Variants in CCM2 observed in about 807,000 individuals in gnomAD.
The protein encoded by CCM2 is cerebral cavernous malformations 2 protein.
A neutral mutation model predicts 44.9 loss-of-function variants in CCM2; 25 were observed. The ratio of observed to expected loss-of-function variants is 0.56; its 90% CI spans 0.41 to 0.78. CCM2 has a LOEUF of 0.78. Among genes scored for constraint, CCM2 ranks in the 30% least tolerant of loss-of-function variants. CCM2 has a pLI of 0.00. For missense variants in CCM2, 481 were observed against 580.6 expected, an observed-to-expected ratio of 0.83 and a Z score of 1.76; for synonymous variants, 219 against 241.1, an observed-to-expected ratio of 0.91 and a Z score of 0.85.
rs41280666 is a variant in CCM2, at chr7:45,064,502, G to A, written c.328G>A (p.Asp110Asn). The change falls in exon 4 of 10, where the codon GAT becomes AAT. Residue 110 changes from aspartate (D) to asparagine (N), a missense_variant. Coordinates refer to ENST00000258781, the MANE Select transcript of CCM2 (RefSeq NM_031443.4). ...QLPGHLTQEH[D>N]AVLSLSAYNV... ...TCCGGGACACTTGACTCAGGAGCACGATGCTGTGCTCAGCCTGTCTGCGTA... is the reference window on the plus strand; with the variant it reads ...TCCGGGACACTTGACTCAGGAGCACAATGCTGTGCTCAGCCTGTCTGCGTA... The A allele has an allele frequency of 4.2e-4, 684 of 1,613,760 alleles. No homozygotes were observed. Among genetic ancestry groups the A allele is most frequent in the Non-Finnish European group, 5.4e-4 (640 of 1,179,922 alleles).
chr7:45,046,447 A>G (rs536412810), intron 2 of CCM2, among the ~76,000 whole-genome samples: 1 of 152,354 alleles, frequency 6.6e-6, no homozygotes, highest in East Asian at 1.9e-4. Flanking sequence ...ATCCACACAT[A>G]TATGCCCAGC....
At chr7:45,073,631 G>C (rs917190067) in intron 8 of CCM2, 60 bp downstream of exon 8, 5 of 1,205,194 alleles carry the variant, frequency 4.1e-6, no homozygotes, top group African/African-American at 1.5e-5. Context: ...CAGGGAGGAT[G>C]GGGGGAAGGG....
At position 45,000,343 on chromosome 7, in the gene CCM2, G is replaced by GAGGGCAAGA. The variant is rs889745436; in HGVS notation, c.23_30+1dup. The GAGGGCAAGA allele has an allele frequency of 3.1e-6, 4 of 1,298,662 alleles. No homozygotes were observed. The highest frequency in any genetic ancestry group is 6.3e-5 in the East Asian group (2 of 31,824). The allele number at this position is 1,298,662 out of a possible 1,614,324, so 80.4% of individuals were successfully genotyped here. The stretch of plus-strand genomic sequence containing the variant: ...AGCCGCACGCGGCGATATGGAAGAG[G>GAGGGCAAGA]AGGGCAAGAAGGGCAAGAAGGTGAG... On this transcript the variant is annotated inframe_insertion, in exon 1 of 10. Coordinates refer to ENST00000258781, the MANE Select transcript of CCM2 (RefSeq NM_031443.4).
intron 1 of CCM2, among the ~76,000 whole-genome samples, chr7:45,002,213 T>G (rs912088574): frequency 6.6e-6 from 1 of 152,360 alleles, no homozygotes; most frequent in East Asian, 1.9e-4. Context: ...GTAGCAGAAG[T>G]GCTGACAATA....
At chr7:45,003,742 A>T (rs1004626646) in intron 1 of CCM2, among the ~76,000 whole-genome samples, 1 of 151,982 alleles carries the variant, frequency 6.6e-6, no homozygotes, top group East Asian at 1.9e-4. Flanking sequence ...AAAAAAAAAA[A>T]ACCATCTTGT....
At chr7:44,999,814 TCCCGCGCGCGC>T (rs1411437679), upstream of CCM2, 1 of 441,196 alleles carries the variant, frequency 2.3e-6, no homozygotes, top group Non-Finnish European at 4.5e-6. Flanking sequence ...CCGCGCGCGC[TCCCGCGCGCGC>T]TGAGTGGGCG....
intron 4 of CCM2, among the ~76,000 whole-genome samples, chr7:45,067,354 G>C (rs1798833172): frequency 6.7e-6 from 1 of 148,326 alleles, no homozygotes; most frequent in Non-Finnish European, 1.5e-5. Context: ...GTAGAGATGG[G>C]GTTTCACCAT....
In CCM2 at chr7:45,072,779, A is replaced by G. The variant is rs1228507928; in HGVS notation, c.799A>G (p.Thr267Ala). ...GGAGACCTACGAGGTGGAAGCCAGC[A>G]CTTTGTGAGTGCACATGCCACCAAG... is the stretch of plus-strand genomic sequence containing the variant. The part of the protein sequence containing the change: ...IKETYEVEAS[T>A]FCFPESVDVG... Residue 267 changes from threonine (T) to alanine (A), a missense_variant, in exon 7 of 10, where the codon ACT becomes GCT. Transcript: ENST00000258781. 6.2e-7 allele frequency: 1 copy of G among 1,611,842 alleles called. No individual in the cohort carries two copies.
At chr7:45,017,160 T>G (rs2128716983) in intron 1 of CCM2, among the ~76,000 whole-genome samples, 1 of 152,340 alleles carries the variant, frequency 6.6e-6, no homozygotes, top group South Asian at 2.1e-4. Flanking sequence ...ATTTGGTGTA[T>G]AGATTATTTC....
chr7:45,001,760 G>C (rs555768752), intron 1 of CCM2, among the ~76,000 whole-genome samples: 2 of 152,228 alleles, frequency 1.3e-5, no homozygotes, highest in East Asian at 3.9e-4. Flanking sequence ...CCAGCAAATA[G>C]GGAGAGAGAG....
chr7:45,068,017 G>A (rs1158789765), intron 4 of CCM2: 2 of 266,292 alleles, frequency 7.5e-6, no homozygotes, highest in Admixed American at 4.8e-5. Context: ...GGGCACTGGG[G>A]TCTGACCGTC....
Position 45,076,217 on chromosome 7 carries a change from C to A in CCM2, c.*160C>A. 1 of 980,156 alleles carries A rather than the reference C, an allele frequency of 1.0e-6. No homozygotes were observed. Among genetic ancestry groups the A allele is most frequent in the Non-Finnish European group, 1.6e-6 (1 of 641,510 alleles). The allele number at this position is 980,156 out of a possible 1,614,324, so 60.7% of individuals were successfully genotyped here. A position where few individuals can be genotyped will look rare whatever the true frequency, so the allele number is the denominator to read the frequency against. The stretch of plus-strand genomic sequence containing the variant: ...GCCCAGGTCCTCTACTGTGAAGGAG[C>A]AGGGAGCTGCCGAGGGACACGAGCC... On this transcript the variant is annotated 3_prime_UTR_variant, in exon 10 of 10. Transcript: ENST00000258781.
At chr7:45,073,067 GC>G in intron 7 of CCM2, 1 of 594,858 alleles carries the variant, frequency 1.7e-6, no homozygotes, top group Non-Finnish European at 3.0e-6. Flanking sequence ...CTGTTCCCCT[GC>G]CCGAGCCTGC....
At chr7:45,020,330 A>G (rs1418128112) in intron 1 of CCM2, among the ~76,000 whole-genome samples, 3 of 152,248 alleles carry the variant, frequency 2.0e-5, no homozygotes, top group Middle Eastern at 3.4e-3. Flanking sequence ...GATACAGTCT[A>G]CTTCTCTCTT....
intron 6 of CCM2, chr7:45,071,883 A>T (rs1001349): frequency 0.37 from 170,666 of 456,428 alleles, 32,684 homozygotes; most frequent in Admixed American, 0.45. Flanking sequence ...GTCAGCTGAT[A>T]AGCATCCTTT....
Position 45,068,597 on chromosome 7 carries a change from C to A in CCM2, c.609+18C>A, listed in dbSNP as rs201140198. On this transcript the variant is annotated intron_variant, in intron 5 of 9. Transcript: ENST00000258781. Reference sequence around the variant, plus strand: ...AGAGCAAGGTGAGACTTTCTCGCCCCACTTACTCAGAACTGGCTCCTCCCA... The same window carrying A: ...AGAGCAAGGTGAGACTTTCTCGCCCAACTTACTCAGAACTGGCTCCTCCCA... 145 of 1,613,524 alleles carry A rather than the reference C, an allele frequency of 9.0e-5. No homozygotes were observed. Among genetic ancestry groups the A allele is most frequent in the Admixed American group, 1.7e-5 (1 of 60,006 alleles).
intron 6 of CCM2, chr7:45,071,524 C>A (rs1032574293): frequency 3.5e-6 from 1 of 288,682 alleles, no homozygotes; most frequent in Non-Finnish European, 6.8e-6. Flanking sequence ...TTGCTGTGTT[C>A]TCTCTACTAC....
chr7:45,006,464 C>G (rs976960610), intron 1 of CCM2, among the ~76,000 whole-genome samples: 1 of 152,126 alleles, frequency 6.6e-6, no homozygotes, highest in East Asian at 1.9e-4. Flanking sequence ...CTGCCTCGGC[C>G]TCCTGAGTAG....
At chr7:45,034,601 C>A (rs1202427329) in intron 1 of CCM2, among the ~76,000 whole-genome samples, 2 of 137,710 alleles carry the variant, frequency 1.5e-5, no homozygotes, top group Non-Finnish European at 1.5e-5. Flanking sequence ...TCACTGCAAC[C>A]TCCGCTTCCC....
Sources: gnomAD v4.1 joint callset for allele counts (sites outside exome capture counted in the v4.1 genomes callset) on GRCh38, gnomAD v4.1.1 for gene constraint, MANE v1.5 for transcripts, NCBI Gene and HGNC (gene_info 2026-07-23, HGNC 2026-07-21) for gene names.